Variants in SRRM3 observed in about 807,000 individuals in gnomAD.
The protein encoded by SRRM3 is serine/arginine repetitive matrix protein 3.
SRRM3 carries 27 observed loss-of-function variants against 66.2 expected under a neutral mutation model. That is an observed-to-expected ratio of 0.41 (90% CI 0.30 to 0.56). The LOEUF (loss-of-function observed/expected upper bound fraction) is 0.56, where lower values mean the gene tolerates loss of function less well. Ranked by LOEUF, SRRM3 falls within the 20% of genes least tolerant of loss-of-function variation. The pLI is 0.32. For synonymous variants in SRRM3, 391 were observed against 414.9 expected, an observed-to-expected ratio of 0.94 and a Z score of 0.70; for missense variants, 918 against 991.9, an observed-to-expected ratio of 0.93 and a Z score of 1.00.
At chr7:76,208,225 A>G (rs1800346444) in intron 1 of SRRM3, among the ~76,000 whole-genome samples, 2 of 152,158 alleles carry the variant, frequency 1.3e-5, no homozygotes, top group African/African-American at 4.8e-5. Context: ...CCCAGAAGAA[A>G]GCACCCAGAA....
In SRRM3 at chr7:76,281,517, A is replaced by G; in HGVS notation, c.1085A>G (p.Glu362Gly). ...AAPTPPARGK[E>G]SPSPRSAPSS... ...CCCACGCCGCCCGCGCGGGGGAAGG[A>G]GAGCCCGAGCCCGCGCTCGGCGCCG... The change falls in exon 12 of 15, where the codon GAG becomes GGG. Residue 362 changes from glutamate (E) to glycine (G), a missense_variant. By Grantham distance (98) the Glu-to-Gly change is moderately conservative. Transcript: ENST00000611745. 8.3e-7 allele frequency: 1 copy of G among 1,201,962 alleles called. No individual in the cohort carries two copies. Among genetic ancestry groups the G allele is most frequent in the South Asian group, 4.2e-5 (1 of 24,028 alleles). The allele number at this position is 1,201,962 out of a possible 1,614,324, so 74.5% of individuals were successfully genotyped here.
intron 11 of SRRM3, among the ~76,000 whole-genome samples, chr7:76,275,015 A>G (rs1256456413): frequency 1.3e-5 from 2 of 151,192 alleles, no homozygotes; most frequent in Non-Finnish European, 2.9e-5. Flanking sequence ...CTGAGGCAGG[A>G]GGATCGCTTG....
intron 2 of SRRM3, among the ~76,000 whole-genome samples, chr7:76,247,486 T>G (rs1801471138): frequency 6.6e-6 from 1 of 152,052 alleles, no homozygotes; most frequent in Non-Finnish European, 1.5e-5. Flanking sequence ...GCCAGAATTC[T>G]CACTCTTCCC....
intron 1 of SRRM3, among the ~76,000 whole-genome samples, chr7:76,233,194 C>T (rs1801054668): frequency 1.3e-5 from 2 of 152,236 alleles, no homozygotes; most frequent in South Asian, 4.1e-4. Context: ...GCCTGTAGTT[C>T]CAGCTACTGG....
At chr7:76,228,557 T>C (rs1800936894) in intron 1 of SRRM3, among the ~76,000 whole-genome samples, 1 of 151,942 alleles carries the variant, frequency 6.6e-6, no homozygotes, top group Non-Finnish European at 1.5e-5. Context: ...ACCCTGTCTC[T>C]ACTAAAAATA....
chr7:76,240,073 G>A (rs1215542149), intron 2 of SRRM3, among the ~76,000 whole-genome samples: 1 of 152,112 alleles, frequency 6.6e-6, no homozygotes, highest in Non-Finnish European at 1.5e-5. Context: ...GGCTGAGGCA[G>A]GAGAATCGCT....
Position 76,259,945 on chromosome 7 carries a change from G to C in SRRM3, c.375G>C (p.Pro125=), listed in dbSNP as rs1583918530. Residue 125 remains proline (P), a synonymous_variant, in exon 4 of 15, where the codon CCG becomes CCC. Coordinates refer to ENST00000611745, the MANE Select transcript of SRRM3 (RefSeq NM_001110199.3). ...ETPRLTEGAE[P]GLEYAPFDDD... ...CGCGGCTGACCGAGGGCGCTGAGCC[G>C]GGCCTGGAGTACGCGCCCTTTGACG... 1 of 1,602,010 alleles carries C rather than the reference G, an allele frequency of 6.2e-7. No individual in the cohort carries two copies. Among genetic ancestry groups the C allele is most frequent in the Non-Finnish European group, 8.5e-7 (1 of 1,179,508 alleles).
At chr7:76,266,845 G>T (rs897518058) in intron 10 of SRRM3, among the ~76,000 whole-genome samples, 16 of 150,900 alleles carry the variant, frequency 1.1e-4, no homozygotes, top group African/African-American at 2.9e-4. Context: ...ACTAATTTTT[G>T]TATTTTTAGC....
intron 12 of SRRM3, among the ~76,000 whole-genome samples, chr7:76,282,164 G>A (rs1277588528): frequency 6.7e-6 from 1 of 149,468 alleles, no homozygotes; most frequent in African/African-American, 2.5e-5. Context: ...CTCTCTCTAG[G>A]GAGTTACCCT....
intron 11 of SRRM3, among the ~76,000 whole-genome samples, chr7:76,275,537 T>C (rs1583938270): frequency 6.8e-6 from 1 of 147,610 alleles, no homozygotes; most frequent in Non-Finnish European, 1.5e-5. Flanking sequence ...AGAAGGAAAG[T>C]GCTGGTGATC....
chr7:76,277,730 A>AG (rs1563640685), intron 11 of SRRM3, among the ~76,000 whole-genome samples: 15 of 148,500 alleles, frequency 1.0e-4, no homozygotes, highest in African/African-American at 3.7e-4. Flanking sequence ...AAAAAAAAAA[A>AG]AAAAAGAGAG....
chr7:76,241,516 A>G (rs1554605625), intron 2 of SRRM3, among the ~76,000 whole-genome samples: 1 of 151,698 alleles, frequency 6.6e-6, no homozygotes, highest in Non-Finnish European at 1.5e-5. Flanking sequence ...TTATTTATTT[A>G]TTTTTGAGAC....
At chr7:76,202,884 G>A (rs1554600766) in intron 1 of SRRM3, among the ~76,000 whole-genome samples, 1 of 152,192 alleles carries the variant, frequency 6.6e-6, no homozygotes, top group Non-Finnish European at 1.5e-5. Context: ...ATTGTGGGGA[G>A]AGATTTAGTG....
chr7:76,218,328 G>T (rs141670713), intron 1 of SRRM3, among the ~76,000 whole-genome samples: 1 of 152,186 alleles, frequency 6.6e-6, no homozygotes, highest in Non-Finnish European at 1.5e-5. Context: ...GGGACACAGA[G>T]ACCGCCACCT....
chr7:76,207,360 A>G (rs1800327104), intron 1 of SRRM3, among the ~76,000 whole-genome samples: 2 of 152,148 alleles, frequency 1.3e-5, no homozygotes, highest in South Asian at 4.1e-4. Flanking sequence ...TTCATTGTAC[A>G]AGTCTTGGGA....
chr7:76,218,159 G>A (rs1583873213), intron 1 of SRRM3, among the ~76,000 whole-genome samples: 1 of 152,180 alleles, frequency 6.6e-6, no homozygotes, highest in South Asian at 2.1e-4. Context: ...AGGAGAAGGA[G>A]GTGATGAAAA....
intron 2 of SRRM3, among the ~76,000 whole-genome samples, chr7:76,237,290 C>G (rs1801176103): frequency 6.6e-6 from 1 of 152,166 alleles, no homozygotes; most frequent in African/African-American, 2.4e-5. Context: ...ACCTCTAGTC[C>G]CAGCTGCTCA....
chr7:76,211,682 G>A (rs1029301001), intron 1 of SRRM3, among the ~76,000 whole-genome samples: 1 of 152,050 alleles, frequency 6.6e-6, no homozygotes, highest in Non-Finnish European at 1.5e-5. Flanking sequence ...TGCAGCCATG[G>A]TCCCTAGGTG....
intron 2 of SRRM3, among the ~76,000 whole-genome samples, chr7:76,245,415 C>T (rs912556190): frequency 3.9e-5 from 6 of 151,918 alleles, no homozygotes; most frequent in Admixed American, 6.6e-5. Flanking sequence ...TTTAAAACTT[C>T]GCTGGGTCCA....
Sources: gnomAD v4.1 joint callset for allele counts (sites outside exome capture counted in the v4.1 genomes callset) on GRCh38, gnomAD v4.1.1 for gene constraint, MANE v1.5 for transcripts, NCBI Gene and HGNC (gene_info 2026-07-23, HGNC 2026-07-21) for gene names.